The following PSMD4 variants were observed in gnomAD, a reference collection of about 807,000 sequenced individuals.
PSMD4 encodes proteasome 26S subunit ubiquitin receptor, non-ATPase 4.
In PSMD4, 5 loss-of-function variants were observed where a neutral mutation model predicts 39.7. The ratio of observed to expected loss-of-function variants is 0.13; its 90% confidence interval spans 0.07 to 0.26. The LOEUF (loss-of-function observed/expected upper bound fraction) is 0.26. PSMD4 is among the 10% of genes least tolerant of loss of function. PSMD4 has a pLI of 1.00. For missense variants in PSMD4, 272 were observed against 486.1 expected (o/e 0.56, Z 4.14); for synonymous variants, 143 against 174.6 (o/e 0.82, Z 1.43).
At chr1:151,264,715 T>G in intron 3 of PSMD4, 117 bp from the exon 4 acceptor site, 1 of 743,144 alleles carries the variant, frequency 1.3e-6, no homozygotes. Flanking sequence ...GTGAACGTGA[T>G]GGTAGATGGT....
Position 151,265,411 on chromosome 1 carries a change from G to T in PSMD4, c.456G>T (p.Lys152Asn), listed in dbSNP as rs775121763. 3.7e-6 allele frequency: 6 copies of T among 1,614,214 alleles called. No homozygotes were observed. In the South Asian group the frequency reaches 6.6e-5, roughly 18 times the overall value. ...NFGEEEVNTE[K>N]LTAFVNTLNG... ...CTCCCCAGGAGGTGAACACAGAAAA[G>T]CTGACAGCCTTTGTAAACACGTTGA... is the stretch of plus-strand genomic sequence containing the variant. The change falls in exon 6 of 10, where the codon AAG becomes AAT. Residue 152 changes from lysine (K) to asparagine (N), a missense_variant. Around this residue, in one of 3 missense-constraint regions of PSMD4, gnomAD observed 153 missense variants for 257.6 expected, o/e 0.59. Transcript: ENST00000368884.
chr1:151,263,566 C>T (rs1199439782), intron 2 of PSMD4, among the ~76,000 whole-genome samples: 2 of 152,118 alleles, frequency 1.3e-5, no homozygotes, highest in Non-Finnish European at 2.9e-5. Context: ...CGGTGGCTCA[C>T]GCCTGTAATC....
chr1:151,266,605 C>G lies in PSMD4; in HGVS notation c.963+18C>G. 1 of 1,613,476 alleles carries G rather than the reference C, an allele frequency of 6.2e-7. No individual in the cohort carries two copies. The highest frequency in any genetic ancestry group is 1.3e-5 in the African/African-American group (1 of 75,028). ...CAGCCAAGGTGAGACCCAACCCTGC[C>G]CCCATCAGGTTTAAAGTCCTTGAAT... is the stretch of plus-strand genomic sequence containing the variant. On this transcript the variant is annotated intron_variant, in intron 9 of 9. Transcript: ENST00000368884.
In PSMD4 at chr1:151,264,013, C is replaced by T; in HGVS notation, c.267C>T (p.Gly89=). ...AGGGCAAGATCACCTTCTGCACGGG[C>T]ATCCGCGTGGCCCATGTGAGTCCTA... The part of the protein sequence containing the change: ...QPKGKITFCT[G]IRVAHLALKH... Residue 89 remains glycine, a synonymous_variant, in exon 3 of 10, where the codon GGC becomes GGT. Transcript: ENST00000368884. 6.3e-7 allele frequency: 1 copy of T among 1,598,730 alleles called. No homozygotes were observed. Among genetic ancestry groups the T allele is most frequent in the South Asian group, 1.1e-5 (1 of 88,372 alleles).
chr1:151,262,080 A>AG, intron 1 of PSMD4, 81 bp from the exon 2 acceptor site: 1 of 1,505,490 alleles, frequency 6.6e-7, no homozygotes, highest in Non-Finnish European at 9.2e-7. Context: ...CTGCTGCTAT[A>AG]GGGGGCCTCT....
intron 2 of PSMD4, among the ~76,000 whole-genome samples, chr1:151,263,310 A>G (rs1693352130): frequency 6.6e-6 from 1 of 151,916 alleles, no homozygotes; most frequent in South Asian, 2.1e-4. Context: ...CTAAAAATAC[A>G]AAAATTAGCC....
intron 3 of PSMD4, 69 bp from the exon 4 acceptor site, chr1:151,264,763 C>A: frequency 7.8e-7 from 1 of 1,284,350 alleles, no homozygotes. Flanking sequence ...AAAAAGGGAA[C>A]CGAGTGACAG....
intron 1 of PSMD4, among the ~76,000 whole-genome samples, chr1:151,258,111 C>T (rs925549220): frequency 2.0e-5 from 3 of 151,832 alleles, no homozygotes; most frequent in Non-Finnish European, 2.9e-5. Flanking sequence ...GCAACCTCCA[C>T]CTCCCGGGTT....
intron 5 of PSMD4, 57 bp downstream of exon 5, chr1:151,265,291 C>T: frequency 6.3e-7 from 1 of 1,597,240 alleles, no homozygotes. Flanking sequence ...CAGAATGGTC[C>T]TTAACCCTGA....
chr1:151,264,819 C>T lies in PSMD4; in HGVS notation c.283-13C>T. 4 of 1,599,460 alleles carry T rather than the reference C, an allele frequency of 2.5e-6. No homozygotes were observed. The highest frequency in any genetic ancestry group is 3.4e-6 in the Non-Finnish European group (4 of 1,167,362). On this transcript the variant is annotated splice_polypyrimidine_tract_variant and intron_variant, in intron 3 of 9. Transcript: ENST00000368884. Reference sequence around the variant, plus strand: ...CTCTGGTTAACTCTGAGAACTTCCTCTCCCTTTACAAGCTGGCTCTGAAGC... The same window carrying T: ...CTCTGGTTAACTCTGAGAACTTCCTTTCCCTTTACAAGCTGGCTCTGAAGC...
chr1:151,259,752 G>GT (rs993822540), intron 1 of PSMD4, among the ~76,000 whole-genome samples: 11 of 151,756 alleles, frequency 7.2e-5, no homozygotes, highest in East Asian at 3.9e-4. Context: ...AAAAAATGTG[G>GT]TTTTTTTTGG....
At chr1:151,264,398 G>A (rs1693381572) in intron 3 of PSMD4, among the ~76,000 whole-genome samples, 1 of 151,800 alleles carries the variant, frequency 6.6e-6, no homozygotes, top group East Asian at 1.9e-4. Flanking sequence ...CCAGCACTTT[G>A]GGAGGCTAAC....
chr1:151,265,369 G>T (rs370967430), intron 5 of PSMD4, 25 bp from the exon 6 acceptor site: 1 of 1,611,014 alleles, frequency 6.2e-7, no homozygotes, highest in African/African-American at 1.3e-5. Flanking sequence ...CTGAAGAAGG[G>T]CATCATGTGT....
intron 9 of PSMD4, 182 bp from the exon 10 acceptor site, chr1:151,266,990 CT>C (rs1326394966): frequency 3.9e-6 from 3 of 773,014 alleles, no homozygotes; most frequent in Non-Finnish European, 7.0e-6. Flanking sequence ...TTAGTAATAA[CT>C]GCATTCATGC....
chr1:151,262,133 C>T (rs1036165771), intron 1 of PSMD4, 28 bp from the exon 2 acceptor site: 8 of 1,613,538 alleles, frequency 5.0e-6, no homozygotes, highest in Non-Finnish European at 6.8e-6. Flanking sequence ...CATTTCTTCT[C>T]TCTTGTCCTT....
chr1:151,265,300 G>A (rs1348419593), intron 5 of PSMD4, 66 bp downstream of exon 5: 40 of 1,591,278 alleles, frequency 2.5e-5, no homozygotes, highest in Non-Finnish European at 3.1e-5. Flanking sequence ...CCTTAACCCT[G>A]AGGAGTGCGG....
At chr1:151,255,983 C>T (rs1693155476) in intron 1 of PSMD4, among the ~76,000 whole-genome samples, 1 of 151,828 alleles carries the variant, frequency 6.6e-6, no homozygotes, top group Admixed American at 6.6e-5. Context: ...GATTTATTTG[C>T]ATTTCTCTAA....
chr1:151,254,799 C>A lies in PSMD4; in HGVS notation c.17C>A (p.Thr6Asn), dbSNP rs1021753536. The A allele has an allele frequency of 1.9e-6, 3 of 1,554,844 alleles. No individual in the cohort carries two copies. Among genetic ancestry groups the A allele is most frequent in the Non-Finnish European group, 2.6e-6 (3 of 1,153,382 alleles). ...GGTGGCAAGATGGTGTTGGAAAGCACTATGGTGTGGTGAGGAGCTACTTCG... is the reference window on the plus strand; with the variant it reads ...GGTGGCAAGATGGTGTTGGAAAGCAATATGGTGTGGTGAGGAGCTACTTCG... MVLESTMVCVDNSEYM... is the reference protein window; with the variant it reads MVLESNMVCVDNSEYM... Residue 6 changes from threonine (T) to asparagine (N), a missense_variant, in exon 1 of 10, where the codon ACT (threonine) becomes AAT (asparagine). Around this residue, in one of 3 missense-constraint regions of PSMD4, gnomAD observed 153 missense variants for 257.6 expected, o/e 0.59. Transcript: ENST00000368884.
chr1:151,257,235 G>A (rs1693196609), intron 1 of PSMD4, among the ~76,000 whole-genome samples: 1 of 152,174 alleles, frequency 6.6e-6, no homozygotes, highest in Admixed American at 6.5e-5. Flanking sequence ...CTTTGTCAAA[G>A]AATAGATGGT....
Sources: gnomAD v4.1 joint callset for allele counts (sites outside exome capture counted in the v4.1 genomes callset) on GRCh38, gnomAD v4.1.1 for gene constraint, gnomAD v4.1.1 regional missense constraint, MANE v1.5 for transcripts, NCBI Gene and HGNC (gene_info 2026-07-23, HGNC 2026-07-21) for gene names.